Variants in TNFAIP8 observed in about 807,000 individuals in gnomAD.
TNFAIP8 encodes tumor necrosis factor alpha-induced protein 8.
Under a neutral mutation model 13.3 loss-of-function variants are expected in TNFAIP8, and 7 were observed. The ratio of observed to expected loss-of-function variants is 0.52; its 90% CI spans 0.30 to 0.99. The LOEUF (loss-of-function observed/expected upper bound fraction) is 0.99. Ranked by LOEUF, TNFAIP8 falls within the 50% of genes least tolerant of loss-of-function variation. TNFAIP8 has a pLI of 0.07. For synonymous variants in TNFAIP8, 94 were observed against 87.6 expected (o/e 1.07, Z -0.41); for missense variants, 258 against 236.9 (o/e 1.09, Z -0.58).
intron 1 of TNFAIP8, among the ~76,000 whole-genome samples, chr5:119,293,480 A>G (rs1749060648): frequency 6.6e-6 from 1 of 152,186 alleles, no homozygotes; most frequent in Non-Finnish European, 1.5e-5. Flanking sequence ...TTCACTTAAT[A>G]TAATGTTCTC....
At chr5:119,349,611 A>T (rs1435590456) in intron 1 of TNFAIP8, among the ~76,000 whole-genome samples, 1 of 152,228 alleles carries the variant, frequency 6.6e-6, no homozygotes, top group African/African-American at 2.4e-5. Flanking sequence ...CCCATATCCG[A>T]TGAGGCTTAC....
intron 1 of TNFAIP8, among the ~76,000 whole-genome samples, chr5:119,383,156 T>C (rs1222633072): frequency 6.6e-6 from 1 of 152,242 alleles, no homozygotes; most frequent in Non-Finnish European, 1.5e-5. Flanking sequence ...GTTTTTTTAA[T>C]GTAGTTTGTA....
chr5:119,299,773 T>G, intron 1 of TNFAIP8, among the ~76,000 whole-genome samples: 1 of 152,198 alleles, frequency 6.6e-6, no homozygotes, highest in Non-Finnish European at 1.5e-5. Context: ...CAGTTCGAGC[T>G]TCCTGGCTGC....
intron 1 of TNFAIP8, among the ~76,000 whole-genome samples, chr5:119,277,666 T>A (rs766867249): frequency 6.6e-6 from 1 of 152,236 alleles, no homozygotes; most frequent in Non-Finnish European, 1.5e-5. Flanking sequence ...ATGAACTTTT[T>A]GGTGTTTCTT....
intron 1 of TNFAIP8, among the ~76,000 whole-genome samples, chr5:119,359,378 C>T (rs1458304604): frequency 6.6e-6 from 1 of 152,166 alleles, no homozygotes; most frequent in African/African-American, 2.4e-5. Flanking sequence ...AGCACCTGTT[C>T]CTTTCCTTGC....
At position 119,311,058 on chromosome 5, in the gene TNFAIP8, T is replaced by C. The variant is rs142474223; in HGVS notation, c.1+42151T>C. Among the ~76,000 whole-genome samples the C allele has an allele frequency of 6.9e-3, 1,046 of 152,332 alleles. 12 individuals carry two copies. The highest frequency in any genetic ancestry group is 0.023 in the African/African-American group (951 of 41,578). ...TATTTTTTGAGACAAGGTCTTGCTC[T>C]GTTGCCTAGGCTGGAGTGCAATGGC... On this transcript the variant is annotated intron_variant, in intron 1 of 1. Transcript: ENST00000274456.
intron 1 of TNFAIP8, among the ~76,000 whole-genome samples, chr5:119,302,007 T>G (rs1036944496): frequency 6.6e-6 from 1 of 152,266 alleles, no homozygotes; most frequent in Admixed American, 6.5e-5. Flanking sequence ...ACCACTTTGA[T>G]TACATAATTT....
At chr5:119,318,598 G>A (rs932048571) in intron 1 of TNFAIP8, among the ~76,000 whole-genome samples, 2 of 151,952 alleles carry the variant, frequency 1.3e-5, no homozygotes, top group African/African-American at 4.8e-5. Context: ...GCCTAGCCTA[G>A]AACTAAATTG....
At chr5:119,336,463 C>A (rs1456258992) in intron 1 of TNFAIP8, among the ~76,000 whole-genome samples, 1 of 152,192 alleles carries the variant, frequency 6.6e-6, no homozygotes, top group Non-Finnish European at 1.5e-5. Flanking sequence ...TAGATATTCC[C>A]CTGCTGTGTC....
intron 1 of TNFAIP8, among the ~76,000 whole-genome samples, chr5:119,328,429 G>A (rs1270119336): frequency 6.6e-6 from 1 of 152,230 alleles, no homozygotes; most frequent in Non-Finnish European, 1.5e-5. Flanking sequence ...GAGAATAGAA[G>A]TGCTTGGCTA....
chr5:119,396,026 C>T lies in TNFAIP8; in HGVS notation c.*2645C>T, dbSNP rs1314460298. On this transcript the variant is annotated 3_prime_UTR_variant, in exon 2 of 2. Transcript: ENST00000504771. ...TTGTATTATGTGTCGGGCACATTAACTCATTTAATTCTGCCACAATCTTCA... is the reference window on the plus strand; with the variant it reads ...TTGTATTATGTGTCGGGCACATTAATTCATTTAATTCTGCCACAATCTTCA... The T allele has an allele frequency of 6.6e-6, 1 of 152,162 alleles. No homozygotes were observed. Among genetic ancestry groups the T allele is most frequent in the East Asian group, 1.9e-4 (1 of 5,200 alleles). 9.4% of individuals were successfully genotyped at this position (152,162 alleles called of 1,614,324 possible). A position where few individuals can be genotyped will look rare whatever the true frequency, so the allele number is the denominator to read the frequency against.
At chr5:119,355,190 T>C, upstream of TNFAIP8, 1 of 665,108 alleles carries the variant, frequency 1.5e-6, no homozygotes, top group South Asian at 1.6e-5. Flanking sequence ...GCATTTCAAA[T>C]CCTGAAAACC....
At chr5:119,359,465 C>T (rs182581374) in intron 1 of TNFAIP8, among the ~76,000 whole-genome samples, 91 of 152,120 alleles carry the variant, frequency 6.0e-4, no homozygotes, top group African/African-American at 1.9e-3. Flanking sequence ...TTTTATTCCC[C>T]GCTGTATGTC....
chr5:119,389,938 C>A (rs1351092832), intron 1 of TNFAIP8, among the ~76,000 whole-genome samples: 1 of 152,190 alleles, frequency 6.6e-6, no homozygotes, highest in Non-Finnish European at 1.5e-5. Flanking sequence ...TTGCCTGTTA[C>A]ACACTCTCTT....
rs367789572 is a variant in TNFAIP8 at position 119,338,165 on chromosome 5, G to GACACACACACACAC, written c.2-54618_2-54605dup. Reference sequence around the variant, plus strand: ...ATTCCAGATTGGAATCTGGAACTTTGACACACACACACACACACACACACA... The same window carrying GACACACACACACAC: ...ATTCCAGATTGGAATCTGGAACTTTGACACACACACACACACACACACACACACACACACACACA... On this transcript the variant is annotated intron_variant, in intron 1 of 1. Coordinates refer to the TNFAIP8 transcript ENST00000274456. 3.7e-3 allele frequency among the ~76,000 whole-genome samples: 469 copies of GACACACACACACAC among 125,228 alleles called. 2 individuals carry two copies. Among genetic ancestry groups the GACACACACACACAC allele is most frequent in the Non-Finnish European group, 5.1e-3 (307 of 59,854 alleles). 82.2% of individuals were successfully genotyped at this position (125,228 alleles called of 152,430 possible).
In TNFAIP8 at chr5:119,308,096, G is replaced by A. The variant is rs945653321; in HGVS notation, c.1+39189G>A. Among the ~76,000 whole-genome samples, 4 of 152,260 alleles carry A rather than the reference G, an allele frequency of 2.6e-5. No homozygotes were observed. The East Asian group carries it at 7.7e-4, about 29-fold the overall frequency. On this transcript the variant is annotated intron_variant, in intron 1 of 1. Coordinates refer to the TNFAIP8 transcript ENST00000274456. ...TACAGATGAGCAAACTTCTTGTGGT[G>A]CAACATGTGGCATTTTGCACCTCTT...
intron 1 of TNFAIP8, among the ~76,000 whole-genome samples, chr5:119,295,092 T>C (rs1749125643): frequency 6.6e-6 from 1 of 151,960 alleles, no homozygotes; most frequent in Non-Finnish European, 1.5e-5. Context: ...TTGCTTTTGG[T>C]GTTTTAGACA....
intron 1 of TNFAIP8, among the ~76,000 whole-genome samples, chr5:119,384,062 G>A (rs1388701958): frequency 1.3e-5 from 2 of 152,184 alleles, no homozygotes; most frequent in Non-Finnish European, 2.9e-5. Flanking sequence ...ACATATCTGA[G>A]TTCAAGTTAA....
chr5:119,286,941 C>T (rs1315477015), intron 1 of TNFAIP8, among the ~76,000 whole-genome samples: 1 of 152,198 alleles, frequency 6.6e-6, no homozygotes, highest in East Asian at 1.9e-4. Flanking sequence ...GATGCCTACT[C>T]CTCCTCTGAG....
Sources: gnomAD v4.1 joint callset for allele counts (sites outside exome capture counted in the v4.1 genomes callset) on GRCh38, gnomAD v4.1.1 for gene constraint, MANE v1.5 for transcripts, NCBI Gene and HGNC (gene_info 2026-07-23, HGNC 2026-07-21) for gene names.